Variants in PID1 observed in about 807,000 individuals in gnomAD.
The protein encoded by PID1 is PTB-containing, cubilin and LRP1-interacting protein.
A neutral mutation model predicts 19.1 loss-of-function variants in PID1; 10 were observed. That is an observed-to-expected ratio of 0.52 (90% CI 0.32 to 0.89). The LOEUF is 0.89. Ranked by LOEUF, PID1 falls within the 40% of genes least tolerant of loss-of-function variation. PID1 has a pLI of 0.03. For synonymous variants in PID1, 130 were observed against 116.0 expected, an observed-to-expected ratio of 1.12 and a Z score of -0.78; for missense variants, 248 against 285.3, an observed-to-expected ratio of 0.87 and a Z score of 0.94.
chr2:229,108,638 A>G (rs1020496859), intron 2 of PID1, among the ~76,000 whole-genome samples: 2 of 152,206 alleles, frequency 1.3e-5, no homozygotes, highest in African/African-American at 4.8e-5. Flanking sequence ...CAGAAGGAAC[A>G]ACACAAGTAA....
At chr2:229,157,427 T>A (rs1346571852) in intron 1 of PID1, among the ~76,000 whole-genome samples, 1 of 127,294 alleles carries the variant, frequency 7.9e-6, no homozygotes, top group African/African-American at 3.3e-5. Context: ...CAAGATTCCA[T>A]CTCAAAAAAA....
At chr2:229,170,107 C>G (rs1690680326) in intron 1 of PID1, among the ~76,000 whole-genome samples, 1 of 152,138 alleles carries the variant, frequency 6.6e-6, no homozygotes, top group South Asian at 2.1e-4. Flanking sequence ...TCAGAAAATC[C>G]AAACATTTGA....
chr2:229,207,133 T>G (rs1381268091), intron 1 of PID1, among the ~76,000 whole-genome samples: 1 of 152,172 alleles, frequency 6.6e-6, no homozygotes, highest in Non-Finnish European at 1.5e-5. Context: ...ATTATTAATT[T>G]CATCAATAAG....
intron 2 of PID1, among the ~76,000 whole-genome samples, chr2:229,116,676 C>T (rs1393436391): frequency 6.6e-6 from 1 of 152,174 alleles, no homozygotes; most frequent in Non-Finnish European, 1.5e-5. Context: ...CATCTTCTGC[C>T]ATGACTGTGA....
chr2:229,040,812 C>T (rs1693756082), intron 2 of PID1, among the ~76,000 whole-genome samples: 1 of 152,078 alleles, frequency 6.6e-6, no homozygotes, highest in African/African-American at 2.4e-5. Flanking sequence ...ATCAAAGTGC[C>T]ATAGACTTAC....
intron 2 of PID1, among the ~76,000 whole-genome samples, chr2:229,039,250 T>C (rs1391058009): frequency 6.6e-6 from 1 of 152,208 alleles, no homozygotes. Flanking sequence ...TCCAATTCTT[T>C]GTGTAATCTC....
In PID1 at chr2:229,271,268, C is replaced by G. The variant is rs1690732629; in HGVS notation, c.-225G>C. On this transcript the variant is annotated 5_prime_UTR_variant, in exon 1 of 3. Coordinates refer to ENST00000392055, the MANE Select transcript of PID1 (RefSeq NM_001100818.2). ...CACGGCCGCGCGCCGGCTGTCCTGG[C>G]GCAGCTGCGAGAGGACTGCGCAGCT... is the stretch of plus-strand genomic sequence containing the variant. 1 of 385,500 alleles carries G rather than the reference C, an allele frequency of 2.6e-6. No individual in the cohort carries two copies. Among genetic ancestry groups the G allele is most frequent in the Admixed American group, 4.8e-5 (1 of 20,648 alleles). 23.9% of individuals were successfully genotyped at this position (385,500 alleles called of 1,614,324 possible).
At chr2:229,203,838 G>T (rs1224275751) in intron 1 of PID1, among the ~76,000 whole-genome samples, 1 of 152,044 alleles carries the variant, frequency 6.6e-6, no homozygotes, top group Non-Finnish European at 1.5e-5. Context: ...CATGGTAGAT[G>T]TTCAACATAT....
chr2:229,088,207 G>C (rs1694806377), intron 2 of PID1, among the ~76,000 whole-genome samples: 2 of 152,192 alleles, frequency 1.3e-5, no homozygotes, highest in African/African-American at 4.8e-5. Flanking sequence ...CTTATGAACG[G>C]ACAGGCACCT....
At chr2:229,056,594 A>T (rs1032018055) in intron 2 of PID1, among the ~76,000 whole-genome samples, 1 of 147,022 alleles carries the variant, frequency 6.8e-6, no homozygotes, top group Non-Finnish European at 1.5e-5. Flanking sequence ...ACAGCCCAGA[A>T]TATAAATAAA....
At chr2:229,073,802 A>C (rs1694505393) in intron 2 of PID1, among the ~76,000 whole-genome samples, 2 of 152,256 alleles carry the variant, frequency 1.3e-5, no homozygotes, top group South Asian at 4.1e-4. Flanking sequence ...CGGGGCATTT[A>C]GGTTCTCAAA....
At chr2:229,212,943 T>C (rs758123136) in intron 1 of PID1, among the ~76,000 whole-genome samples, 7 of 152,036 alleles carry the variant, frequency 4.6e-5, no homozygotes, top group Admixed American at 2.0e-4. Context: ...CCAAGCTAGT[T>C]CCTCAAACTT....
chr2:229,138,636 C>G (rs939813533), intron 2 of PID1, among the ~76,000 whole-genome samples: 2 of 152,056 alleles, frequency 1.3e-5, no homozygotes, highest in Non-Finnish European at 2.9e-5. Flanking sequence ...AGTGTTCATT[C>G]CCTCACTTCT....
chr2:229,046,523 G>A (rs529368234), intron 2 of PID1, among the ~76,000 whole-genome samples: 4 of 151,738 alleles, frequency 2.6e-5, no homozygotes, highest in African/African-American at 4.8e-5. Flanking sequence ...TAGATCTTAC[G>A]GTGAAAAATC....
chr2:229,036,464 A>T (rs1693665244), intron 2 of PID1, among the ~76,000 whole-genome samples: 1 of 152,038 alleles, frequency 6.6e-6, no homozygotes, highest in African/African-American at 2.4e-5. Flanking sequence ...ATAAAAGTAG[A>T]TCTAGGCCAG....
chr2:229,250,323 T>C (rs972054858), intron 1 of PID1, among the ~76,000 whole-genome samples: 4 of 152,230 alleles, frequency 2.6e-5, no homozygotes, highest in Non-Finnish European at 5.9e-5. Context: ...CTTAGGACTC[T>C]TGGCAGTTTT....
At chr2:229,086,489 C>T (rs1219031608) in intron 2 of PID1, among the ~76,000 whole-genome samples, 1 of 152,136 alleles carries the variant, frequency 6.6e-6, no homozygotes, top group Admixed American at 6.6e-5. Context: ...TTTGCATCAC[C>T]ATAAAGTCAA....
At chr2:229,144,592 G>A (rs1238704034) in intron 2 of PID1, among the ~76,000 whole-genome samples, 1 of 152,070 alleles carries the variant, frequency 6.6e-6, no homozygotes, top group African/African-American at 2.4e-5. Context: ...ACTTTCAGAA[G>A]TAACTATACT....
chr2:229,156,533 C>T (rs753538192), intron 1 of PID1, among the ~76,000 whole-genome samples: 2 of 152,146 alleles, frequency 1.3e-5, no homozygotes, highest in Non-Finnish European at 2.9e-5. Context: ...TCCATTGGCT[C>T]TTGTTGTGAA....
Sources: gnomAD v4.1 joint callset for allele counts (sites outside exome capture counted in the v4.1 genomes callset) on GRCh38, gnomAD v4.1.1 for gene constraint, MANE v1.5 for transcripts, NCBI Gene and HGNC (gene_info 2026-07-23, HGNC 2026-07-21) for gene names.